ADAMTS19: variants seen among roughly 807,000 people sequenced by gnomAD.
ADAMTS19 encodes ADAM metallopeptidase with thrombospondin type 1 motif 19.
In ADAMTS19, 93 loss-of-function variants were observed where a neutral mutation model predicts 153.3. The ratio of observed to expected loss-of-function variants is 0.61; its 90% CI spans 0.51 to 0.72. The LOEUF (loss-of-function observed/expected upper bound fraction) is 0.72. Among genes scored for constraint, ADAMTS19 ranks in the 30% least tolerant of loss-of-function variants. The pLI is 0.00. For synonymous variants in ADAMTS19, 600 were observed against 556.6 expected, an observed-to-expected ratio of 1.08 and a Z score of -1.10; for missense variants, 1,482 against 1,552.1, an observed-to-expected ratio of 0.95 and a Z score of 0.76.
intron 6 of ADAMTS19, among the ~76,000 whole-genome samples, chr5:129,533,029 G>A (rs1752267883): frequency 6.6e-6 from 1 of 152,122 alleles, no homozygotes; most frequent in Non-Finnish European, 1.5e-5. Context: ...CTTGAACCTG[G>A]CAGGCGGAGG....
intron 6 of ADAMTS19, among the ~76,000 whole-genome samples, chr5:129,535,881 C>A (rs1289575600): frequency 2.6e-5 from 4 of 152,094 alleles, no homozygotes; most frequent in Non-Finnish European, 5.9e-5. Context: ...GAAACTGGAT[C>A]CCTTCCTTAC....
chr5:129,679,282 A>G (rs1754685949), intron 16 of ADAMTS19, among the ~76,000 whole-genome samples: 2 of 152,172 alleles, frequency 1.3e-5, no homozygotes, highest in African/African-American at 4.8e-5. Flanking sequence ...TAATGCATAT[A>G]ACCCTGCCAT....
intron 21 of ADAMTS19, among the ~76,000 whole-genome samples, chr5:129,710,717 G>T (rs1756411904): frequency 6.6e-6 from 1 of 152,118 alleles, no homozygotes; most frequent in South Asian, 2.1e-4. Context: ...ATCACAGTTG[G>T]TAGCATTTTT....
chr5:129,669,283 T>A (rs1754193208), intron 16 of ADAMTS19, among the ~76,000 whole-genome samples: 1 of 152,102 alleles, frequency 6.6e-6, no homozygotes, highest in African/African-American at 2.4e-5. Context: ...ACTGATTTAA[T>A]CTCCTTGCTA....
At chr5:129,604,339 T>C (rs1750794989) in intron 8 of ADAMTS19, among the ~76,000 whole-genome samples, 3 of 152,134 alleles carry the variant, frequency 2.0e-5, no homozygotes. Context: ...AGTTTAATTA[T>C]CTCCTCCTGC....
At chr5:129,602,353 C>T (rs558903305) in intron 8 of ADAMTS19, among the ~76,000 whole-genome samples, 118 of 152,254 alleles carry the variant, frequency 7.8e-4, no homozygotes, top group African/African-American at 2.7e-3. Context: ...AGCCTCCCAA[C>T]GTGCTGGGAT....
intron 18 of ADAMTS19, among the ~76,000 whole-genome samples, chr5:129,693,637 G>A (rs1464762419): frequency 2.6e-5 from 4 of 152,122 alleles, no homozygotes; most frequent in African/African-American, 9.7e-5. Flanking sequence ...TCAAAGAGAA[G>A]CAGAAATTAG....
intron 8 of ADAMTS19, among the ~76,000 whole-genome samples, chr5:129,597,752 A>G (rs890821592): frequency 6.6e-6 from 1 of 151,948 alleles, no homozygotes; most frequent in Non-Finnish European, 1.5e-5. Context: ...AAATACAGAA[A>G]TTAGTTAGGC....
At chr5:129,523,795 G>C (rs577743086) in intron 3 of ADAMTS19, among the ~76,000 whole-genome samples, 5 of 152,032 alleles carry the variant, frequency 3.3e-5, no homozygotes, top group African/African-American at 1.2e-4. Context: ...GAAAACTACT[G>C]CTCAAGGAAA....
At chr5:129,735,666 T>C (rs1442727492) in intron 22 of ADAMTS19, among the ~76,000 whole-genome samples, 1 of 152,070 alleles carries the variant, frequency 6.6e-6, no homozygotes, top group Non-Finnish European at 1.5e-5. Flanking sequence ...ATATTGATAT[T>C]TACATTGTTT....
intron 6 of ADAMTS19, among the ~76,000 whole-genome samples, chr5:129,543,021 G>T (rs1470719918): frequency 9.3e-5 from 13 of 140,156 alleles, no homozygotes; most frequent in Admixed American, 7.1e-4. Context: ...TTTTGTTGTT[G>T]TTTTTTTTTG....
At chr5:129,606,115 A>T (rs896231596) in intron 8 of ADAMTS19, among the ~76,000 whole-genome samples, 17 of 152,158 alleles carry the variant, frequency 1.1e-4, no homozygotes, top group Admixed American at 9.8e-4. Context: ...ATGCAAAGTT[A>T]CCTCCTTGAA....
chr5:129,627,744 A>G (rs1447264355), intron 10 of ADAMTS19, among the ~76,000 whole-genome samples: 1 of 152,082 alleles, frequency 6.6e-6, no homozygotes, highest in Admixed American at 6.6e-5. Context: ...CAATGAGATA[A>G]CATCTCACAC....
At chr5:129,733,442 C>T (rs1364854217) in intron 21 of ADAMTS19, among the ~76,000 whole-genome samples, 1 of 151,794 alleles carries the variant, frequency 6.6e-6, no homozygotes, top group Non-Finnish European at 1.5e-5. Flanking sequence ...CTGCAAGGAA[C>T]TCAAACAACT....
At chr5:129,577,582 A>G (rs1157204855) in intron 7 of ADAMTS19, among the ~76,000 whole-genome samples, 1 of 152,170 alleles carries the variant, frequency 6.6e-6, no homozygotes, top group African/African-American at 2.4e-5. Context: ...TGGAAAATAC[A>G]TCTAAGGAAA....
chr5:129,501,937 A>C (rs1751120069), intron 2 of ADAMTS19, among the ~76,000 whole-genome samples: 1 of 152,090 alleles, frequency 6.6e-6, no homozygotes. Context: ...AGGTGGCACT[A>C]GTTTGGAAAG....
At chr5:129,710,724 T>A (rs1485395596) in intron 21 of ADAMTS19, among the ~76,000 whole-genome samples, 1 of 152,186 alleles carries the variant, frequency 6.6e-6, no homozygotes, top group Non-Finnish European at 1.5e-5. Flanking sequence ...TTGGTAGCAT[T>A]TTTTTAATAA....
At chr5:129,664,688 G>C (rs1166757757) in intron 15 of ADAMTS19, among the ~76,000 whole-genome samples, 1 of 151,950 alleles carries the variant, frequency 6.6e-6, no homozygotes, top group Non-Finnish European at 1.5e-5. Flanking sequence ...AAGATACATG[G>C]ATCTTCACAG....
In ADAMTS19 at chr5:129,684,291, A is replaced by G; in HGVS notation, c.2818+18A>G. On this transcript the variant is annotated intron_variant, in intron 18 of 22. Transcript: ENST00000274487. The stretch of plus-strand genomic sequence containing the variant: ...TGGAGGAGGTGAAGGATTTTTAAAC[A>G]TTTATCTTTCCAAAACATCAGTTGT... The G allele has an allele frequency of 6.2e-7, 1 of 1,612,240 alleles. No individual in the cohort carries two copies. Among genetic ancestry groups the G allele is most frequent in the Non-Finnish European group, 8.5e-7 (1 of 1,179,234 alleles).
Sources: gnomAD v4.1 joint callset for allele counts (sites outside exome capture counted in the v4.1 genomes callset) on GRCh38, gnomAD v4.1.1 for gene constraint, MANE v1.5 for transcripts, NCBI Gene and HGNC (gene_info 2026-07-23, HGNC 2026-07-21) for gene names.